Variants in PYGB observed in about 807,000 individuals in gnomAD.
PYGB encodes the protein glycogen phosphorylase B.
Under a neutral mutation model 94.3 loss-of-function variants are expected in PYGB, and 82 were observed. The ratio of observed to expected loss-of-function variants is 0.87; its 90% CI spans 0.73 to 1.04. The LOEUF (loss-of-function observed/expected upper bound fraction) is 1.04. PYGB is among the 50% of genes least tolerant of loss of function. The pLI is 0.00. For synonymous variants in PYGB, 488 were observed against 479.1 expected, an observed-to-expected ratio of 1.02 and a Z score of -0.24; for missense variants, 1,132 against 1,158.2, an observed-to-expected ratio of 0.98 and a Z score of 0.33.
intron 11 of PYGB, among the ~76,000 whole-genome samples, chr20:25,281,676 G>T (rs1164211614): frequency 1.3e-5 from 2 of 152,184 alleles, no homozygotes; most frequent in Non-Finnish European, 2.9e-5. Context: ...CTCCCCAGTA[G>T]CTATGAGGAA....
intron 1 of PYGB, among the ~76,000 whole-genome samples, chr20:25,249,260 G>A (rs777298333): frequency 1.3e-5 from 2 of 152,126 alleles, no homozygotes; most frequent in Non-Finnish European, 2.9e-5. Context: ...TGTTTCATTC[G>A]TAAACATTTG....
intron 18 of PYGB, chr20:25,295,059 G>C: frequency 6.2e-7 from 1 of 1,610,712 alleles, no homozygotes. Flanking sequence ...TTTTAAAATT[G>C]TGAACTCTGC....
chr20:25,277,223 C>T (rs781350660), intron 6 of PYGB, 21 bp from the exon 7 acceptor site: 1 of 1,532,468 alleles, frequency 6.5e-7, no homozygotes, highest in Non-Finnish European at 9.0e-7. Context: ...TGTGTGTTGA[C>T]CCCGCTCCAT....
intron 3 of PYGB, among the ~76,000 whole-genome samples, chr20:25,269,475 T>C (rs1418262289): frequency 1.3e-5 from 2 of 152,214 alleles, no homozygotes; most frequent in African/African-American, 4.8e-5. Context: ...GCTCCCGATA[T>C]GCTGACCACT....
chr20:25,254,677 C>G (rs1457512021), intron 1 of PYGB, among the ~76,000 whole-genome samples: 1 of 152,198 alleles, frequency 6.6e-6, no homozygotes, highest in African/African-American at 2.4e-5. Flanking sequence ...TGACTGGTAG[C>G]TCACTAGGTA....
intron 12 of PYGB, among the ~76,000 whole-genome samples, chr20:25,282,615 G>A (rs2088378901): frequency 6.6e-6 from 1 of 152,236 alleles, no homozygotes; most frequent in Admixed American, 6.5e-5. Flanking sequence ...GGAAAGCTGA[G>A]GTCTGAAGAG....
At position 25,294,205 on chromosome 20, in the gene PYGB, C is replaced by T; in HGVS notation, c.2225C>T (p.Ala742Val). Residue 742 changes from alanine to valine, a missense_variant, in exon 18 of 20, where the codon GCC becomes GTC. Transcript: ENST00000216962. ...YYDHLPELKQAVDQISSGFFS... is the reference protein window; with the variant it reads ...YYDHLPELKQVVDQISSGFFS... ...GACCACCTGCCCGAGCTGAAGCAGGCCGTGGACCAGATCAGCAGTGGCTTT... is the reference window on the plus strand; with the variant it reads ...GACCACCTGCCCGAGCTGAAGCAGGTCGTGGACCAGATCAGCAGTGGCTTT... The T allele has an allele frequency of 6.2e-7, 1 of 1,613,990 alleles. No individual in the cohort carries two copies.
chr20:25,278,124 C>G (rs2123565145), intron 7 of PYGB, among the ~76,000 whole-genome samples, 195 bp from the exon 8 acceptor site: 1 of 152,338 alleles, frequency 6.6e-6, no homozygotes, highest in East Asian at 1.9e-4. Flanking sequence ...GACACTGTGT[C>G]CCGGGGTGTG....
In PYGB at chr20:25,277,228, C is replaced by T. The variant is rs376098497; in HGVS notation, c.773-16C>T. 5.8e-6 allele frequency: 9 copies of T among 1,539,060 alleles called. No individual in the cohort carries two copies. The Admixed American group carries it at 6.7e-5, about 11-fold the overall frequency. On this transcript the variant is annotated splice_polypyrimidine_tract_variant and intron_variant, in intron 6 of 19. Coordinates refer to ENST00000216962, the MANE Select transcript of PYGB (RefSeq NM_002862.4). ...AGGAGGCATGTGTGTGTTGACCCCG[C>T]TCCATTTCTTCTTAGTCAACGTGGG... is the stretch of plus-strand genomic sequence containing the variant.
intron 14 of PYGB, among the ~76,000 whole-genome samples, chr20:25,287,433 C>T (rs1412745105): frequency 6.6e-6 from 1 of 151,910 alleles, no homozygotes; most frequent in African/African-American, 2.4e-5. Context: ...CTGTTTGATG[C>T]CAGGAGTTTG....
chr20:25,257,716 A>G (rs2092905400), intron 1 of PYGB, among the ~76,000 whole-genome samples: 1 of 152,192 alleles, frequency 6.6e-6, no homozygotes, highest in South Asian at 2.1e-4. Flanking sequence ...CATTCTGGTC[A>G]TGTTCCTGGC....
At chr20:25,294,839 C>A in intron 18 of PYGB, 1 of 908,972 alleles carries the variant, frequency 1.1e-6, no homozygotes, top group Non-Finnish European at 1.8e-6. Flanking sequence ...CAGCTCAGGG[C>A]AGTTCTTCAC....
intron 2 of PYGB, among the ~76,000 whole-genome samples, chr20:25,268,167 C>A (rs200349048): frequency 1.1e-5 from 1 of 94,922 alleles, no homozygotes; most frequent in African/African-American, 3.8e-5. Context: ...ACCCGCCCCC[C>A]CCCCATATCC....
chr20:25,284,797 G>C (rs1568696043), intron 14 of PYGB: 1 of 152,292 alleles, frequency 6.6e-6, no homozygotes, highest in Non-Finnish European at 1.5e-5. Context: ...ATGCTTATTA[G>C]AGGCATTTAA....
chr20:25,296,143 G>A (rs1181432965), intron 19 of PYGB, among the ~76,000 whole-genome samples: 2 of 152,030 alleles, frequency 1.3e-5, no homozygotes, highest in African/African-American at 2.4e-5. Context: ...TTCGAGGCTG[G>A]GACCTTCTCT....
intron 7 of PYGB, 59 bp downstream of exon 7, chr20:25,277,385 T>G: frequency 6.7e-7 from 1 of 1,490,066 alleles, no homozygotes. Context: ...CATAGAGAGG[T>G]GGGCTGGCTG....
At chr20:25,263,072 A>G (rs1177922865) in intron 2 of PYGB, among the ~76,000 whole-genome samples, 2 of 152,218 alleles carry the variant, frequency 1.3e-5, no homozygotes, top group Non-Finnish European at 2.9e-5. Context: ...CAGAAAGTTA[A>G]CAAGGATACC....
At chr20:25,249,252 T>C (rs2092880703) in intron 1 of PYGB, among the ~76,000 whole-genome samples, 1 of 152,254 alleles carries the variant, frequency 6.6e-6, no homozygotes, top group Non-Finnish European at 1.5e-5. Flanking sequence ...AGATTTTCTG[T>C]TTCATTCGTA....
At chr20:25,260,943 C>A (rs975056533) in intron 2 of PYGB, among the ~76,000 whole-genome samples, 8 of 152,230 alleles carry the variant, frequency 5.3e-5, no homozygotes, top group Non-Finnish European at 1.0e-4. Flanking sequence ...GGGCGTCCGC[C>A]ATTGCTGAGG....
Sources: allele counts gnomAD v4.1 joint callset (sites outside exome capture counted in the v4.1 genomes callset), GRCh38; gene constraint gnomAD v4.1.1; transcripts MANE v1.5; gene names NCBI Gene and HGNC (gene_info 2026-07-23, HGNC 2026-07-21).